Variants in IQSEC1 observed in about 807,000 individuals in gnomAD.
IQSEC1 encodes the protein IQ motif and SEC7 domain-containing protein 1.
IQSEC1 carries 31 observed loss-of-function variants against 91.0 expected under a neutral mutation model. The observed-to-expected ratio is 0.34, with a 90% CI of 0.26 to 0.46. The LOEUF is 0.46. IQSEC1 is among the 20% of genes least tolerant of loss of function. The probability of loss-of-function intolerance (pLI) is 1.00; values close to 1 mark genes in which losing one functional copy is unlikely to be tolerated. For missense variants in IQSEC1, 1,388 were observed against 1,575.6 expected (o/e 0.88, Z 2.02); for synonymous variants, 699 against 662.6 (o/e 1.05, Z -0.84).
intron 2 of IQSEC1, among the ~76,000 whole-genome samples, chr3:13,118,075 G>A (rs1706366000): frequency 6.6e-6 from 1 of 152,094 alleles, no homozygotes; most frequent in Non-Finnish European, 1.5e-5. Context: ...TAATCATAAC[G>A]TATAGTTTCA....
At chr3:13,277,907 C>T (rs975385070) in intron 1 of IQSEC1, among the ~76,000 whole-genome samples, 1 of 152,124 alleles carries the variant, frequency 6.6e-6, no homozygotes, top group African/African-American at 2.4e-5. Flanking sequence ...TGCTTCCCGG[C>T]CACTTTGAAG....
chr3:12,978,688 G>A (rs915646667), intron 1 of IQSEC1, among the ~76,000 whole-genome samples: 12 of 146,672 alleles, frequency 8.2e-5, no homozygotes, highest in Admixed American at 1.4e-4. Flanking sequence ...CTGGGCAATA[G>A]AGCGAGGCTC....
chr3:12,913,834 C>A (rs1356883207), intron 8 of IQSEC1, among the ~76,000 whole-genome samples: 1 of 152,226 alleles, frequency 6.6e-6, no homozygotes, highest in Non-Finnish European at 1.5e-5. Flanking sequence ...CCTTTCCATT[C>A]TTTTGGGCAG....
At position 13,143,568 on chromosome 3, in the gene IQSEC1, C is replaced by T. The variant is rs541779203; in HGVS notation, c.302+20536G>A. ...CCTGGAGACAGTGGCCACATGACCTCGGCCTGACCAATCAGCAGAGCCAAC... is the reference window on the plus strand; with the variant it reads ...CCTGGAGACAGTGGCCACATGACCTTGGCCTGACCAATCAGCAGAGCCAAC... On this transcript the variant is annotated intron_variant, in intron 2 of 15. Transcript: ENST00000648114. Among the ~76,000 whole-genome samples, 4 of 152,328 alleles carry T rather than the reference C, an allele frequency of 2.6e-5. No individual in the cohort carries two copies. The South Asian group carries it at 8.3e-4, about 32-fold the overall frequency.
At chr3:13,261,196 G>A (rs1695379879) in intron 1 of IQSEC1, among the ~76,000 whole-genome samples, 1 of 152,220 alleles carries the variant, frequency 6.6e-6, no homozygotes, top group African/African-American at 2.4e-5. Context: ...AGGAGTGCTG[G>A]CTGCTGAGGG....
intron 1 of IQSEC1, among the ~76,000 whole-genome samples, chr3:13,226,219 G>A (rs1204777159): frequency 6.6e-6 from 1 of 152,148 alleles, no homozygotes; most frequent in African/African-American, 2.4e-5. Context: ...ATAGCTTAGG[G>A]ACTAAGAACA....
intron 2 of IQSEC1, among the ~76,000 whole-genome samples, chr3:13,152,370 T>C (rs937506458): frequency 2.0e-5 from 3 of 152,222 alleles, no homozygotes; most frequent in African/African-American, 7.2e-5. Context: ...AGAATAAATA[T>C]CATATTGCTT....
chr3:12,901,495 G>T lies in IQSEC1; in HGVS notation c.2833C>A (p.Arg945Ser). Residue 945 changes from arginine (R) to serine (S), a missense_variant, in exon 14 of 14, where the codon CGC (arginine) becomes AGC (serine). This residue lies in a region of IQSEC1 where 329 missense variants were observed against 257.8 expected (regional missense o/e 1.28). Transcript: ENST00000613206. ...EGSIISSPHM[R>S]RRATSTRECP... ...TCTCGTGTTGATGTAGCTCTCCGGC[G>T]CATGTGAGGACTGCTAATGATGGAC... 1.3e-6 allele frequency: 2 copies of T among 1,549,968 alleles called. No individual in the cohort carries two copies. Among genetic ancestry groups the T allele is most frequent in the Non-Finnish European group, 1.7e-6 (2 of 1,146,874 alleles).
At chr3:13,111,450 C>T (rs1237030302) in intron 2 of IQSEC1, among the ~76,000 whole-genome samples, 1 of 152,184 alleles carries the variant, frequency 6.6e-6, no homozygotes, top group African/African-American at 2.4e-5. Flanking sequence ...CAGGGCTATT[C>T]TGGGATTGTT....
chr3:12,908,878 A>G lies in IQSEC1; in HGVS notation c.2579-353T>C, dbSNP rs1187560732. Among the ~76,000 whole-genome samples, 1 of 151,920 alleles carries G rather than the reference A, an allele frequency of 6.6e-6. No homozygotes were observed. Among genetic ancestry groups the G allele is most frequent in the African/African-American group, 2.4e-5 (1 of 41,358 alleles). On this transcript the variant is annotated intron_variant, in intron 11 of 13. Coordinates refer to ENST00000613206, the MANE Select transcript of IQSEC1 (RefSeq NM_001134382.3). This position sits in a 1 kb window ranked among gnomAD's most constrained non-coding sequence, Gnocchi z 4.9. ...GTGGTAGGGAGTCCCATGTGCCTCC[A>G]AGGAGTAGACCTGGAGCCAGGGAGT...
At chr3:13,077,698 C>T (rs999434060), upstream of IQSEC1, among the ~76,000 whole-genome samples, 5 of 152,280 alleles carry the variant, frequency 3.3e-5, no homozygotes, top group Middle Eastern at 3.4e-3. Flanking sequence ...AGGTGGCTGA[C>T]GGAGGGAGGA....
chr3:13,012,964 C>CTTTTTTTTTTTTTTTTTTTT (rs35541458), intron 1 of IQSEC1, among the ~76,000 whole-genome samples: 2 of 97,544 alleles, frequency 2.1e-5, no homozygotes, highest in Non-Finnish European at 1.9e-5. Flanking sequence ...AAAGTCTGGG[C>CTTTTTTTTTTTTTTTTTTTT]TTTTTTTTTT....
intron 2 of IQSEC1, among the ~76,000 whole-genome samples, chr3:13,113,349 C>T (rs906316627): frequency 2.6e-5 from 4 of 152,240 alleles, no homozygotes; most frequent in Non-Finnish European, 5.9e-5. Context: ...CCAATCTGCT[C>T]ACCCCTTACT....
chr3:13,119,411 C>A (rs1021691883), intron 2 of IQSEC1, among the ~76,000 whole-genome samples: 1 of 152,170 alleles, frequency 6.6e-6, no homozygotes, highest in Non-Finnish European at 1.5e-5. Context: ...AAGGAATGAG[C>A]AAGGGGAGCT....
chr3:12,902,351 G>A (rs1694411345), intron 13 of IQSEC1, among the ~76,000 whole-genome samples: 1 of 152,078 alleles, frequency 6.6e-6, no homozygotes, highest in Non-Finnish European at 1.5e-5. Context: ...GAAGTCAAGG[G>A]TTCAGCAAAA....
intron 5 of IQSEC1, among the ~76,000 whole-genome samples, chr3:12,921,361 C>T (rs1180236004): frequency 6.6e-6 from 1 of 152,248 alleles, no homozygotes; most frequent in Non-Finnish European, 1.5e-5. Context: ...CTCGATCCTC[C>T]TGGCCCCATC....
intron 2 of IQSEC1, among the ~76,000 whole-genome samples, chr3:13,088,596 C>G (rs1705780844): frequency 6.6e-6 from 1 of 152,140 alleles, no homozygotes; most frequent in African/African-American, 2.4e-5. Context: ...TTTGGCTGAA[C>G]CTACATGAGA....
At position 12,979,907 on chromosome 3, in the gene IQSEC1, A is replaced by G. The variant is rs1701371250; in HGVS notation, c.24-38042T>C. 1.3e-5 allele frequency among the ~76,000 whole-genome samples: 2 copies of G among 152,182 alleles called. No homozygotes were observed. Among genetic ancestry groups the G allele is most frequent in the East Asian group, 1.9e-4 (1 of 5,196 alleles). ...GATCTAAGAATCCATTTTGCGCAAC[A>G]AGAAACAGCATACTCAAGCGAGAAA... On this transcript the variant is annotated intron_variant, in intron 1 of 13. Transcript: ENST00000613206. This position sits in a 1 kb window ranked among gnomAD's most constrained non-coding sequence, Gnocchi z 4.3.
intron 1 of IQSEC1, among the ~76,000 whole-genome samples, chr3:13,171,482 C>A (rs1693610640): frequency 6.6e-6 from 1 of 152,130 alleles, no homozygotes; most frequent in Non-Finnish European, 1.5e-5. Context: ...ACCCCACAGA[C>A]CTGATCAGCC....
Sources: gnomAD v4.1 joint callset for allele counts (sites outside exome capture counted in the v4.1 genomes callset) on GRCh38, gnomAD v4.1.1 for gene constraint, gnomAD v4.1.1 regional missense constraint, Gnocchi (gnomAD v3.1) non-coding constraint, MANE v1.5 for transcripts, NCBI Gene and HGNC (gene_info 2026-07-23, HGNC 2026-07-21) for gene names.